Variants in SERPINF2 observed in about 807,000 individuals in gnomAD.
The protein encoded by SERPINF2 is serpin family F member 2.
SERPINF2 carries 15 observed loss-of-function variants against 45.0 expected under a neutral mutation model. The ratio of observed to expected loss-of-function variants is 0.33; its 90% CI spans 0.22 to 0.51. SERPINF2 has a LOEUF of 0.51. Among genes scored for constraint, SERPINF2 ranks in the 20% least tolerant of loss-of-function variants. The probability of loss-of-function intolerance (pLI) is 0.97; values close to 1 mark genes in which losing one functional copy is unlikely to be tolerated. For synonymous variants in SERPINF2, 283 were observed against 277.9 expected, an observed-to-expected ratio of 1.02 and a Z score of -0.18; for missense variants, 518 against 637.4, an observed-to-expected ratio of 0.81 and a Z score of 2.02.
Position 1,744,604 on chromosome 17 carries a change from T to C in SERPINF2, c.-4-388T>C, listed in dbSNP as rs139336925. On this transcript the variant is annotated intron_variant, in intron 1 of 9. Transcript: ENST00000453066. ...CCGTTTTACAAGGTAAGGCCAAGCC[T>C]GGTGGAGTTACGGGAAATGCCGAGG... 8.1e-6 allele frequency: 8 copies of C among 985,434 alleles called. No homozygotes were observed. In the African/African-American group the frequency reaches 1.4e-4, roughly 17 times the overall value. The allele number at this position is 985,434 out of a possible 1,614,324, so 61.0% of individuals were successfully genotyped here. A position where few individuals can be genotyped will look rare whatever the true frequency, so the allele number is the denominator to read the frequency against.
At chr17:1,748,965 T>C (rs1451119381) in intron 8 of SERPINF2, among the ~76,000 whole-genome samples, 1 of 152,244 alleles carries the variant, frequency 6.6e-6, no homozygotes, top group East Asian at 1.9e-4. Flanking sequence ...GAAAATATAC[T>C]GGGCATTTGC....
rs551135154 is a variant in SERPINF2 at position 1,752,399 on chromosome 17, C to T, written c.859-187C>T. Reference sequence around the variant, plus strand: ...AAAGCATCTCATTCGGTTACGTGTCCGCCTGCAGTGGGACAGGTAGTATGA... The same window carrying T: ...AAAGCATCTCATTCGGTTACGTGTCTGCCTGCAGTGGGACAGGTAGTATGA... On this transcript the variant is annotated intron_variant, in intron 8 of 9. Coordinates refer to ENST00000453066, the MANE Select transcript of SERPINF2 (RefSeq NM_000934.4). 2.7e-3 allele frequency among the ~76,000 whole-genome samples: 414 copies of T among 152,186 alleles called. 2 individuals carry two copies. The highest frequency in any genetic ancestry group is 5.4e-3 in the South Asian group (26 of 4,818).
At chr17:1,750,296 C>T (rs893868800) in intron 8 of SERPINF2, among the ~76,000 whole-genome samples, 2 of 151,936 alleles carry the variant, frequency 1.3e-5, no homozygotes, top group Non-Finnish European at 2.9e-5. Context: ...CTACAGGCGC[C>T]CGCCACCATG....
chr17:1,746,832 G>T (rs186687733), intron 5 of SERPINF2, among the ~76,000 whole-genome samples, 187 bp from the exon 6 acceptor site: 4 of 152,176 alleles, frequency 2.6e-5, no homozygotes, highest in Non-Finnish European at 4.4e-5. Context: ...GGTAACTTGT[G>T]GGGGGTGAGG....
At position 1,748,882 on chromosome 17, in the gene SERPINF2, A is replaced by G; in HGVS notation, c.858+142A>G. The stretch of plus-strand genomic sequence containing the variant: ...CGTCCCCTAGGCAGGCAACTGCAAA[A>G]GGTCCCATGATCCCCCATCCTACCT... On this transcript the variant is annotated intron_variant, in intron 8 of 9. Transcript: ENST00000453066. 4.1e-6 allele frequency: 3 copies of G among 726,254 alleles called. No individual in the cohort carries two copies. The South Asian group carries it at 4.2e-5, about 10-fold the overall frequency. The allele number at this position is 726,254 out of a possible 1,614,324, so 45.0% of individuals were successfully genotyped here.
chr17:1,746,044 G>A, intron 5 of SERPINF2, 135 bp downstream of exon 5: 1 of 1,007,684 alleles, frequency 9.9e-7, no homozygotes, highest in Non-Finnish European at 1.6e-6. Flanking sequence ...TCCTAGGCCG[G>A]GGCGGTGGCT....
Position 1,754,652 on chromosome 17 carries a change from A to G in SERPINF2, c.*118A>G, listed in dbSNP as rs1906702039. The G allele has an allele frequency of 1.3e-6, 1 of 783,444 alleles. No homozygotes were observed. The highest frequency in any genetic ancestry group is 3.6e-5 in the East Asian group (1 of 28,100). 48.5% of individuals were successfully genotyped at this position (783,444 alleles called of 1,614,324 possible). The stretch of plus-strand genomic sequence containing the variant: ...GGCCGGGGGCAGTCTGAGAGAGGCC[A>G]TTCTTTCCCAACACCTCTTGGGGAG... On this transcript the variant is annotated 3_prime_UTR_variant, in exon 10 of 10. Transcript: ENST00000453066.
chr17:1,747,116 G>C lies in SERPINF2; in HGVS notation c.465G>C (p.Leu155=). Residue 155 remains leucine (L), a synonymous_variant, in exon 6 of 10, where the codon CTG becomes CTC. Transcript: ENST00000453066. ...PHLLSRLCQD[L]GPGAFRLAAR... is the part of the protein sequence containing the mutation. ...TGCTGAGCCGCCTCTGCCAGGACCT[G>C]GGCCCCGGCGCGTTCCGACTGGCTG... 6.2e-7 allele frequency: 1 copy of C among 1,611,646 alleles called. No homozygotes were observed. The highest frequency in any genetic ancestry group is 8.5e-7 in the Non-Finnish European group (1 of 1,179,974).
Position 1,754,470 on chromosome 17 carries a change from G to A in SERPINF2, c.1412G>A (p.Gly471Asp). Residue 471 changes from glycine (G) to aspartate (D), a missense_variant, in exon 10 of 10, where the codon GGC (glycine) becomes GAC (aspartate). By Grantham distance (94) the Gly-to-Asp change is moderately conservative. Coordinates refer to ENST00000453066, the MANE Select transcript of SERPINF2 (RefSeq NM_000934.4). ...KGFPRGDKLF[G>D]PDLKLVPPME... is the part of the protein sequence containing the mutation. ...TTCCCCCGCGGAGACAAGCTTTTCG[G>A]CCCTGACTTAAAACTTGTGCCCCCC... The A allele has an allele frequency of 6.2e-7, 1 of 1,608,376 alleles. No individual in the cohort carries two copies. Among genetic ancestry groups the A allele is most frequent in the African/African-American group, 1.3e-5 (1 of 74,860 alleles).
At chr17:1,748,538 C>T (rs1906080435) in intron 7 of SERPINF2, 60 bp from the exon 8 acceptor site, 1 of 1,600,804 alleles carries the variant, frequency 6.2e-7, no homozygotes. Context: ...GACGTGACCC[C>T]TGCCCTCTGC....
At chr17:1,752,311 C>T (rs58147322) in intron 8 of SERPINF2, among the ~76,000 whole-genome samples, 34,327 of 152,098 alleles carry the variant, frequency 0.23, 3,904 homozygotes, top group South Asian at 0.39. Context: ...CTGCCTCGGC[C>T]TCCCAAAGTG....
At position 1,745,048 on chromosome 17, in the gene SERPINF2, C is replaced by T. The variant is rs1194000247; in HGVS notation, c.53C>T (p.Pro18Leu). 1 of 1,613,306 alleles carries T rather than the reference C, an allele frequency of 6.2e-7. No homozygotes were observed. The highest frequency in any genetic ancestry group is 1.3e-5 in the African/African-American group (1 of 74,882). Residue 18 changes from proline to leucine, a missense_variant, in exon 2 of 10, where the codon CCC becomes CTC. By Grantham distance (98) the Pro-to-Leu change is moderately conservative. Transcript: ENST00000453066. The surrounding 1 kb of genome is among the most constrained non-coding windows in gnomAD (Gnocchi z 6.2). ...CTCAGCTGGTCCTGCCTGCAAGGCCCCTGCTCCGTGGTGAGGCTGGGCTGA... is the reference window on the plus strand; with the variant it reads ...CTCAGCTGGTCCTGCCTGCAAGGCCTCTGCTCCGTGGTGAGGCTGGGCTGA... ...LVLSWSCLQG[P>L]CSVFSPVSAM...
chr17:1,748,348 A>T (rs896876427), intron 7 of SERPINF2, among the ~76,000 whole-genome samples: 1 of 151,496 alleles, frequency 6.6e-6, no homozygotes, highest in Admixed American at 6.6e-5. Context: ...GGAGAATTGC[A>T]GGGGTTGGGG....
intron 9 of SERPINF2, among the ~76,000 whole-genome samples, chr17:1,753,556 C>T (rs1906573577): frequency 6.6e-6 from 1 of 152,142 alleles, no homozygotes; most frequent in Admixed American, 6.6e-5. Context: ...CGTGGTGGCG[C>T]ATGCCCATAA....
At chr17:1,749,832 C>T (rs1597329618) in intron 8 of SERPINF2, among the ~76,000 whole-genome samples, 2 of 152,164 alleles carry the variant, frequency 1.3e-5, no homozygotes, top group African/African-American at 4.8e-5. Flanking sequence ...GGGACCACCC[C>T]ACGGCCATGT....
chr17:1,754,091 G>T, intron 9 of SERPINF2, 31 bp from the exon 10 acceptor site: 1 of 1,599,966 alleles, frequency 6.3e-7, no homozygotes, highest in South Asian at 1.1e-5. Context: ...GCCAAGGGCA[G>T]CTCTGACCAG....
chr17:1,754,135 G>A lies in SERPINF2; in HGVS notation c.1077G>A (p.Leu359=), dbSNP rs1906629419. The A allele has an allele frequency of 6.2e-7, 1 of 1,606,492 alleles. No homozygotes were observed. Among genetic ancestry groups the A allele is most frequent in the South Asian group, 1.1e-5 (1 of 91,084 alleles). ...GGCCCTGGGCAGGCCTGCAGGAGTT[G>A]TTCCAGGCCCCAGACCTGCGTGGGA... The part of the protein sequence containing the change: ...ATLSQLGLQE[L]FQAPDLRGIS... Residue 359 remains leucine (L), a synonymous_variant, in exon 10 of 10, where the codon TTG becomes TTA. Coordinates refer to ENST00000453066, the MANE Select transcript of SERPINF2 (RefSeq NM_000934.4).
intron 8 of SERPINF2, among the ~76,000 whole-genome samples, chr17:1,750,026 T>C (rs1268194570): frequency 6.6e-6 from 1 of 151,402 alleles, no homozygotes; most frequent in Admixed American, 6.6e-5. Context: ...CAGGCTGGAG[T>C]GCAGTGGCAC....
At position 1,752,698 on chromosome 17, in the gene SERPINF2, C is replaced by G; in HGVS notation, c.971C>G (p.Pro324Arg). 6.2e-7 allele frequency: 1 copy of G among 1,614,182 alleles called. No homozygotes were observed. The highest frequency in any genetic ancestry group is 8.5e-7 in the Non-Finnish European group (1 of 1,180,042). Residue 324 changes from proline to arginine, a missense_variant, in exon 9 of 10, where the codon CCA (proline) becomes CGA (arginine). Transcript: ENST00000453066. ...LANLSWDTLH[P>R]PLVWERPTKV... The stretch of plus-strand genomic sequence containing the variant: ...AACCTGAGTTGGGACACCCTGCACC[C>G]ACCTCTGGTGTGGGAGAGGCCCACC...
Sources: allele counts gnomAD v4.1 joint callset (sites outside exome capture counted in the v4.1 genomes callset), GRCh38; gene constraint gnomAD v4.1.1; non-coding constraint Gnocchi (gnomAD v3.1); transcripts MANE v1.5; gene names NCBI Gene and HGNC (gene_info 2026-07-23, HGNC 2026-07-21).